Variants in DIAPH2 observed in about 807,000 individuals in gnomAD.
DIAPH2 encodes protein diaphanous homolog 2.
In DIAPH2, 35 loss-of-function variants were observed where a neutral mutation model predicts 92.7. The observed-to-expected ratio is 0.38, with a 90% CI of 0.29 to 0.50. The LOEUF (loss-of-function observed/expected upper bound fraction) is 0.50. Among genes scored for constraint, DIAPH2 ranks in the 20% least tolerant of loss-of-function variants. The pLI is 0.94. For synonymous variants in DIAPH2, 301 were observed against 280.4 expected (o/e 1.07, Z -0.73); for missense variants, 701 against 819.5 (o/e 0.86, Z 1.77).
At chrX:96,968,421 G>T (rs1239082540) in intron 17 of DIAPH2, among the ~76,000 whole-genome samples, 1 of 109,868 alleles carries the variant, frequency 9.1e-6, no homozygotes, top group East Asian at 2.9e-4. Context: ...TTTTCACCAT[G>T]TTGGCCAGGC....
intron 4 of DIAPH2, among the ~76,000 whole-genome samples, chrX:96,797,485 G>T (rs1414059821): frequency 9.0e-6 from 1 of 110,617 alleles, no homozygotes; most frequent in Non-Finnish European, 1.9e-5. Context: ...TGTCTCAAAA[G>T]AAAAAAATAA....
At chrX:97,331,575 T>A (rs1363239055) in intron 23 of DIAPH2, among the ~76,000 whole-genome samples, 1 of 112,313 alleles carries the variant, frequency 8.9e-6, no homozygotes, top group African/African-American at 3.2e-5. Context: ...AAAGTAATAT[T>A]TTCCTTGTGG....
At chrX:97,005,347 T>G (rs1469726186) in intron 17 of DIAPH2, among the ~76,000 whole-genome samples, 1 of 109,141 alleles carries the variant, frequency 9.2e-6, no homozygotes, top group East Asian at 2.8e-4. Flanking sequence ...TTTTTTTTTT[T>G]GAATATTTTG....
At chrX:97,300,951 AAAAAAAAAAAAAAAGAAG>A (rs1569355925) in intron 23 of DIAPH2, among the ~76,000 whole-genome samples, 4 of 72,344 alleles carry the variant, frequency 5.5e-5, no homozygotes, top group African/African-American at 1.9e-4. Flanking sequence ...AAAAAAAAAA[AAAAAAAAAAAAAAAGAAG>A]AAGAAGAATG....
intron 26 of DIAPH2, among the ~76,000 whole-genome samples, chrX:97,573,222 G>A (rs1314661687): frequency 9.0e-6 from 1 of 111,470 alleles, no homozygotes; most frequent in Non-Finnish European, 1.9e-5. Context: ...ACACCTGTAT[G>A]CCCAGTCCCA....
chrX:96,830,633 A>AGCC (rs2064848312), intron 4 of DIAPH2, among the ~76,000 whole-genome samples: 1 of 107,589 alleles, frequency 9.3e-6, no homozygotes, highest in South Asian at 4.2e-4. Context: ...AAAGTGGCAG[A>AGCC]GCCCCTGAAA....
intron 22 of DIAPH2, among the ~76,000 whole-genome samples, chrX:97,169,310 T>G (rs2067434948): frequency 9.0e-6 from 1 of 111,514 alleles, no homozygotes; most frequent in Non-Finnish European, 1.9e-5. Context: ...CCAGATCACC[T>G]AGGGCCTCCT....
chrX:96,751,652 G>GTTTTTTTTTTTTTTTT (rs1219167141), intron 3 of DIAPH2, among the ~76,000 whole-genome samples: 8 of 60,297 alleles, frequency 1.3e-4, no homozygotes, highest in African/African-American at 5.1e-4. Context: ...TCAGTGTTTT[G>GTTTTTTTTTTTTTTTT]TTTTTTTTTT....
intron 4 of DIAPH2, among the ~76,000 whole-genome samples, chrX:96,806,376 G>A (rs1237468954): frequency 1.8e-5 from 2 of 110,701 alleles, no homozygotes; most frequent in Non-Finnish European, 3.8e-5. Flanking sequence ...GTCGGGTGTG[G>A]TGGCTCATGC....
intron 4 of DIAPH2, among the ~76,000 whole-genome samples, chrX:96,803,420 C>T (rs1196344299): frequency 9.0e-6 from 1 of 111,399 alleles, no homozygotes; most frequent in African/African-American, 3.3e-5. Flanking sequence ...TATGTTAGCC[C>T]CTAATTTAAC....
chrX:97,491,433 C>A (rs2070724750), intron 26 of DIAPH2, among the ~76,000 whole-genome samples: 1 of 111,006 alleles, frequency 9.0e-6, no homozygotes, highest in Non-Finnish European at 1.9e-5. Context: ...TTTTTTGAGA[C>A]AGAGTCTTGT....
At chrX:97,453,239 C>T (rs965511477) in intron 26 of DIAPH2, among the ~76,000 whole-genome samples, 9 of 110,539 alleles carry the variant, frequency 8.1e-5, no homozygotes, top group East Asian at 2.8e-4. Context: ...ATTATTTGAA[C>T]GTAAGAATGT....
intron 3 of DIAPH2, among the ~76,000 whole-genome samples, chrX:96,755,449 C>G (rs976317696): frequency 9.0e-6 from 1 of 110,709 alleles, no homozygotes; most frequent in African/African-American, 3.3e-5. Flanking sequence ...ATCAGGAGAT[C>G]GAGATCATCC....
chrX:97,022,874 G>T (rs1254053051), intron 17 of DIAPH2, among the ~76,000 whole-genome samples: 3 of 110,765 alleles, frequency 2.7e-5, no homozygotes, highest in African/African-American at 9.9e-5. Context: ...GGCAACATAG[G>T]GAGACCCCAT....
At chrX:97,408,925 T>C (rs1349147937) in intron 25 of DIAPH2, among the ~76,000 whole-genome samples, 1 of 112,092 alleles carries the variant, frequency 8.9e-6, no homozygotes, top group Non-Finnish European at 1.9e-5. Flanking sequence ...AAGCAACTTA[T>C]AAAACCATTG....
At chrX:97,285,850 G>C (rs769645477) in intron 23 of DIAPH2, among the ~76,000 whole-genome samples, 1 of 110,547 alleles carries the variant, frequency 9.0e-6, no homozygotes, top group African/African-American at 3.3e-5. Flanking sequence ...GCCTGCCTTG[G>C]CCTCCCAAAG....
At chrX:97,537,720 G>A (rs916372053) in intron 26 of DIAPH2, among the ~76,000 whole-genome samples, 5 of 111,107 alleles carry the variant, frequency 4.5e-5, no homozygotes, top group Non-Finnish European at 9.4e-5. Context: ...TATAGAGTGG[G>A]CCACATGTCC....
chrX:96,925,218 A>G (rs2065572851), intron 9 of DIAPH2, among the ~76,000 whole-genome samples: 1 of 110,512 alleles, frequency 9.0e-6, no homozygotes, highest in Non-Finnish European at 1.9e-5. Context: ...TTCAAATTCA[A>G]TATTGTCCTT....
intron 1 of DIAPH2, among the ~76,000 whole-genome samples, chrX:96,716,908 T>C (rs1484712826): frequency 3.6e-5 from 4 of 111,873 alleles, no homozygotes; most frequent in Non-Finnish European, 7.5e-5. Context: ...TTGCCTAAGG[T>C]GACAGCGAAG....
Sources: allele counts gnomAD v4.1 joint callset (sites outside exome capture counted in the v4.1 genomes callset), GRCh38; gene constraint gnomAD v4.1.1; transcripts MANE v1.5; gene names NCBI Gene and HGNC (gene_info 2026-07-23, HGNC 2026-07-21).